The following NPAS3 variants were observed in gnomAD, a reference collection of about 807,000 sequenced individuals.
NPAS3 encodes the protein neuronal PAS domain-containing protein 3.
Under a neutral mutation model 73.1 loss-of-function variants are expected in NPAS3, and 14 were observed. The ratio of observed to expected loss-of-function variants is 0.19; its 90% confidence interval spans 0.13 to 0.30. The LOEUF is 0.30. Ranked by LOEUF, NPAS3 falls within the 10% of genes least tolerant of loss-of-function variation. NPAS3 has a pLI of 1.00. For synonymous variants in NPAS3, 620 were observed against 541.5 expected (o/e 1.14, Z -2.01); for missense variants, 1,096 against 1,250.0 (o/e 0.88, Z 1.86).
At chr14:33,598,996 C>T (rs905097154) in intron 5 of NPAS3, among the ~76,000 whole-genome samples, 3 of 152,182 alleles carry the variant, frequency 2.0e-5, no homozygotes, top group African/African-American at 7.2e-5. Context: ...CATCCACTGG[C>T]TAGTTCAAAC....
At chr14:33,550,409 A>T (rs1327993679) in intron 4 of NPAS3, among the ~76,000 whole-genome samples, 3 of 152,258 alleles carry the variant, frequency 2.0e-5, no homozygotes, top group African/African-American at 4.8e-5. Flanking sequence ...AGCGTCACTG[A>T]TGAAGATTTC....
chr14:33,414,692 A>G (rs549013304), intron 4 of NPAS3, among the ~76,000 whole-genome samples: 18 of 152,258 alleles, frequency 1.2e-4, no homozygotes, highest in African/African-American at 4.3e-4. Flanking sequence ...AGCAAATACT[A>G]TAAATATAAT....
In NPAS3 at chr14:33,610,225, C is replaced by G. The variant is rs572826744; in HGVS notation, c.558+50015C>G. 3.9e-5 allele frequency among the ~76,000 whole-genome samples: 6 copies of G among 152,156 alleles called. No individual in the cohort carries two copies. In the South Asian group the frequency reaches 1.2e-3, roughly 32 times the overall value. The stretch of plus-strand genomic sequence containing the variant: ...TATATCCTTAATTACTTTTGTCTGC[C>G]AGTCCCAAGGTTTGTCTTCCCAGGA... On this transcript the variant is annotated intron_variant, in intron 5 of 11. Coordinates refer to ENST00000356141, the Ensembl canonical transcript of NPAS3.
chr14:32,945,231 A>C (rs2036202856), intron 1 of NPAS3, among the ~76,000 whole-genome samples: 1 of 151,956 alleles, frequency 6.6e-6, no homozygotes, highest in South Asian at 2.1e-4. Flanking sequence ...GTAATTAGTG[A>C]CTACAAAGTG....
intron 2 of NPAS3, among the ~76,000 whole-genome samples, chr14:33,132,238 A>G (rs746063510): frequency 1.7e-4 from 26 of 152,116 alleles, no homozygotes; most frequent in Non-Finnish European, 3.7e-4. Context: ...CTTGGTGACT[A>G]GTTTAATGTG....
At chr14:33,190,751 T>C (rs2046140919) in intron 2 of NPAS3, among the ~76,000 whole-genome samples, 1 of 152,168 alleles carries the variant, frequency 6.6e-6, no homozygotes, top group Non-Finnish European at 1.5e-5. Context: ...TAGGATGTTG[T>C]TTTGGCGCTC....
At chr14:33,258,721 G>A (rs17100464) in intron 3 of NPAS3, among the ~76,000 whole-genome samples, 7,848 of 152,212 alleles carry the variant, frequency 0.052, 373 homozygotes, top group African/African-American at 0.13. Flanking sequence ...GGTCATCCTC[G>A]TATTTCCTCT....
rs562347632 is a variant in NPAS3, at chr14:33,474,020, A to G, written c.469-86101A>G. Among the ~76,000 whole-genome samples the G allele has an allele frequency of 4.6e-5, 7 of 152,268 alleles. No individual in the cohort carries two copies. The East Asian group carries it at 1.4e-3, about 29-fold the overall frequency. ...ATCACAAGCAAAGATTAAGGCAGGG[A>G]ATGGTAGTGTCTGAAGCTGGTGAGG... On this transcript the variant is annotated intron_variant, in intron 4 of 11. Transcript: ENST00000356141.
intron 2 of NPAS3, among the ~76,000 whole-genome samples, chr14:33,113,076 AG>A (rs2042949525): frequency 6.6e-6 from 1 of 152,092 alleles, no homozygotes; most frequent in Non-Finnish European, 1.5e-5. Flanking sequence ...GTAGCCTTGT[AG>A]TATAGTTTGA....
intron 7 of NPAS3, among the ~76,000 whole-genome samples, chr14:33,763,665 T>C (rs959712835): frequency 4.6e-5 from 7 of 152,230 alleles, no homozygotes; most frequent in African/African-American, 1.4e-4. Context: ...CTGAGGAATA[T>C]TGGCTTCCAC....
Position 33,201,300 on chromosome 14 carries a change from G to GGTGTGTGTGTGTGTGT in NPAS3, c.141-13881_141-13866dup, listed in dbSNP as rs34700439. Among the ~76,000 whole-genome samples, 104 of 151,036 alleles carry GGTGTGTGTGTGTGTGT rather than the reference G, an allele frequency of 6.9e-4. 1 individual carries two copies. Among genetic ancestry groups the GGTGTGTGTGTGTGTGT allele is most frequent in the African/African-American group, 2.1e-3 (86 of 41,252 alleles). On this transcript the variant is annotated intron_variant, in intron 2 of 11. Coordinates refer to ENST00000356141, the Ensembl canonical transcript of NPAS3. The stretch of plus-strand genomic sequence containing the variant: ...CACTCCCCTTCACTCCCCTAACAAT[G>GGTGTGTGTGTGTGTGT]GTGTGTGTGTGTGTGTATGTTTGAA...
At chr14:33,491,883 G>A (rs1452251960) in intron 4 of NPAS3, among the ~76,000 whole-genome samples, 1 of 152,094 alleles carries the variant, frequency 6.6e-6, no homozygotes, top group Non-Finnish European at 1.5e-5. Flanking sequence ...CTGCTGAAAT[G>A]TACACATAGC....
At chr14:33,281,522 C>T (rs2041608058) in intron 3 of NPAS3, among the ~76,000 whole-genome samples, 2 of 152,024 alleles carry the variant, frequency 1.3e-5, no homozygotes, top group Non-Finnish European at 1.5e-5. Context: ...GTCCCAGCTA[C>T]TTGGGAGGCT....
chr14:33,269,973 C>T (rs182381725), intron 3 of NPAS3, among the ~76,000 whole-genome samples: 13 of 152,086 alleles, frequency 8.5e-5, no homozygotes, highest in Admixed American at 6.6e-5. Context: ...GATTCTTGGG[C>T]GGGTGCAGTA....
chr14:33,178,274 CATGTTGGCCAGG>C (rs112146475), intron 2 of NPAS3, among the ~76,000 whole-genome samples: 1 of 152,006 alleles, frequency 6.6e-6, no homozygotes, highest in African/African-American at 2.4e-5. Flanking sequence ...GGAGTTTCAC[CATGTTGGCCAGG>C]ATGGTCTCGA....
intron 3 of NPAS3, among the ~76,000 whole-genome samples, chr14:33,283,159 A>G (rs779690054): frequency 2.0e-5 from 3 of 152,230 alleles, no homozygotes; most frequent in Non-Finnish European, 2.9e-5. Context: ...TGACTGGTCC[A>G]TCATTCACAC....
At chr14:33,403,251 A>G (rs762870227) in intron 4 of NPAS3, among the ~76,000 whole-genome samples, 16 of 152,150 alleles carry the variant, frequency 1.1e-4, no homozygotes, top group Non-Finnish European at 1.8e-4. Flanking sequence ...TTTGCTCACA[A>G]GAAAGTTATA....
At chr14:33,154,114 T>C (rs1266686603) in intron 2 of NPAS3, among the ~76,000 whole-genome samples, 1 of 152,182 alleles carries the variant, frequency 6.6e-6, no homozygotes, top group Admixed American at 6.5e-5. Context: ...CTCTCTCCTC[T>C]TTTTTGCTGC....
At chr14:33,190,723 T>A (rs1341600805) in intron 2 of NPAS3, among the ~76,000 whole-genome samples, 1 of 152,020 alleles carries the variant, frequency 6.6e-6, no homozygotes, top group Non-Finnish European at 1.5e-5. Context: ...GCATGTGGAG[T>A]GCTGCAGCTT....
Sources: allele counts gnomAD v4.1 joint callset (sites outside exome capture counted in the v4.1 genomes callset), GRCh38; gene constraint gnomAD v4.1.1; transcripts MANE v1.5; gene names NCBI Gene and HGNC (gene_info 2026-07-23, HGNC 2026-07-21).